KCNAB2: variants seen among roughly 807,000 people sequenced by gnomAD.
The protein encoded by KCNAB2 is voltage-gated potassium channel subunit beta-2.
Under a neutral mutation model 63.6 loss-of-function variants are expected in KCNAB2, and 29 were observed. The observed-to-expected ratio is 0.46, with a 90% CI of 0.34 to 0.62. The LOEUF (loss-of-function observed/expected upper bound fraction) is 0.62, where lower values mean the gene tolerates loss of function less well. KCNAB2 is among the 20% of genes least tolerant of loss of function. KCNAB2 has a pLI of 0.01. For synonymous variants in KCNAB2, 222 were observed against 224.2 expected, an observed-to-expected ratio of 0.99 and a Z score of 0.09; for missense variants, 359 against 563.9, an observed-to-expected ratio of 0.64 and a Z score of 3.68.
In KCNAB2 at chr1:6,087,564, C is replaced by G. The variant is rs572906809; in HGVS notation, c.470+53C>G. ...AGCCCCGGCCCAGCAGCCACGGCCCCGTGCTCCCCAGAGACCCCTGACCTA... is the reference window on the plus strand; with the variant it reads ...AGCCCCGGCCCAGCAGCCACGGCCCGGTGCTCCCCAGAGACCCCTGACCTA... On this transcript the variant is annotated intron_variant, in intron 7 of 15. Transcript: ENST00000378083. This position sits in a 1 kb window ranked among gnomAD's most constrained non-coding sequence, Gnocchi z 6.4. 5.0e-6 allele frequency: 8 copies of G among 1,591,484 alleles called. No individual in the cohort carries two copies. The highest frequency in any genetic ancestry group is 1.7e-4 in the Middle Eastern group (1 of 6,012).
At chr1:6,027,356 G>C (rs145592220) in intron 1 of KCNAB2, 3 of 152,418 alleles carry the variant, frequency 2.0e-5, no homozygotes, top group African/African-American at 7.2e-5. Context: ...GCCTCTGCAG[G>C]GGACAGGCCC....
intron 2 of KCNAB2, among the ~76,000 whole-genome samples, chr1:6,055,386 C>T (rs938239372): frequency 3.3e-5 from 4 of 122,840 alleles, no homozygotes; most frequent in African/African-American, 9.4e-5. Context: ...GTTGGAGTTT[C>T]GCTGTATCGC....
chr1:6,061,222 C>G (rs1231767837), intron 2 of KCNAB2, among the ~76,000 whole-genome samples: 5 of 152,246 alleles, frequency 3.3e-5, no homozygotes, highest in Admixed American at 3.3e-4. Flanking sequence ...TTCATCTTAT[C>G]AACAGCAGGT....
chr1:6,073,847 C>A lies in KCNAB2; in HGVS notation c.300+77C>A. 2 of 1,450,448 alleles carry A rather than the reference C, an allele frequency of 1.4e-6. No homozygotes were observed. The highest frequency in any genetic ancestry group is 1.9e-6 in the Non-Finnish European group (2 of 1,033,240). The allele number at this position is 1,450,448 out of a possible 1,614,324, so 89.8% of individuals were successfully genotyped here. On this transcript the variant is annotated intron_variant, in intron 4 of 15. Transcript: ENST00000378083. This position sits in a 1 kb window ranked among gnomAD's most constrained non-coding sequence, Gnocchi z 5.7. ...CACATGGTTAAGTCTGCCGCGTGGA[C>A]CAGTGAGCACGTGCTCCCGGGAGCC... is the stretch of plus-strand genomic sequence containing the variant.
chr1:6,024,098 T>G lies in KCNAB2; in HGVS notation c.-52-16419T>G, dbSNP rs1211567939. ...CTGGGATTACAGGCGCCCACCACCA[T>G]GTCCAGCTAATTTTTGTATTTTTAG... is the stretch of plus-strand genomic sequence containing the variant. On this transcript the variant is annotated intron_variant, in intron 1 of 16. Coordinates refer to the KCNAB2 transcript ENST00000341524. This position sits in a 1 kb window ranked among gnomAD's most constrained non-coding sequence, Gnocchi z 5.4. Among the ~76,000 whole-genome samples the G allele has an allele frequency of 6.6e-6, 1 of 152,072 alleles. No individual in the cohort carries two copies. Among genetic ancestry groups the G allele is most frequent in the Non-Finnish European group, 1.5e-5 (1 of 68,010 alleles).
At chr1:6,036,237 T>G (rs1660028331) in intron 1 of KCNAB2, among the ~76,000 whole-genome samples, 1 of 152,190 alleles carries the variant, frequency 6.6e-6, no homozygotes, top group South Asian at 2.1e-4. Context: ...GTGAGGTGGC[T>G]CACATCTGTA....
At chr1:6,095,715 G>T in intron 13 of KCNAB2, 91 bp downstream of exon 13, 1 of 1,227,052 alleles carries the variant, frequency 8.1e-7, no homozygotes. Context: ...GTGCTGGGCA[G>T]GGGTTCCGGG....
chr1:6,002,712 A>G (rs1657325318), intron 1 of KCNAB2, among the ~76,000 whole-genome samples: 1 of 152,132 alleles, frequency 6.6e-6, no homozygotes. Context: ...CCTTGAGTGG[A>G]TTTCCAGGGG....
At chr1:6,077,824 G>C (rs1196260878) in intron 4 of KCNAB2, among the ~76,000 whole-genome samples, 1 of 152,208 alleles carries the variant, frequency 6.6e-6, no homozygotes, top group African/African-American at 2.4e-5. Context: ...TCTTTCTAGA[G>C]AGGGCGACAG....
At chr1:6,066,911 C>T (rs1662803092) in intron 2 of KCNAB2, among the ~76,000 whole-genome samples, 1 of 152,266 alleles carries the variant, frequency 6.6e-6, no homozygotes. Flanking sequence ...TCCACCCGGG[C>T]TCAGCCCCCA....
chr1:6,015,799 G>A (rs928727086), intron 1 of KCNAB2, among the ~76,000 whole-genome samples: 3 of 152,156 alleles, frequency 2.0e-5, no homozygotes, highest in African/African-American at 7.2e-5. Flanking sequence ...CCACCTCCCC[G>A]GGCTCAAGTG....
chr1:6,024,130 C>T lies in KCNAB2; in HGVS notation c.-52-16387C>T, dbSNP rs919839419. Among the ~76,000 whole-genome samples, 27 of 152,196 alleles carry T rather than the reference C, an allele frequency of 1.8e-4. No homozygotes were observed. The highest frequency in any genetic ancestry group is 4.1e-4 in the African/African-American group (17 of 41,512). On this transcript the variant is annotated intron_variant, in intron 1 of 16. Transcript: ENST00000341524. The surrounding 1 kb of genome is among the most constrained non-coding windows in gnomAD (Gnocchi z 5.4). ...CTAATTTTTGTATTTTTAGTAGAGA[C>T]GGGGTTTCACCATGTTGGTCAGGCT...
chr1:6,052,590 TGC>T (rs765627415), intron 2 of KCNAB2, among the ~76,000 whole-genome samples: 2 of 152,288 alleles, frequency 1.3e-5, no homozygotes, highest in Non-Finnish European at 2.9e-5. Flanking sequence ...TTCTTTTTAG[TGC>T]GCTTGTCTTT....
Position 6,096,324 on chromosome 1 carries a change from G to A in KCNAB2, c.949-312G>A. 1 of 440,474 alleles carries A rather than the reference G, an allele frequency of 2.3e-6. No homozygotes were observed. The highest frequency in any genetic ancestry group is 4.2e-6 in the Non-Finnish European group (1 of 235,404). 27.3% of individuals were successfully genotyped at this position (440,474 alleles called of 1,614,324 possible). ...CGGGTGGCAGCCGAGACCCCAGGCTGCCAAGTTTCCTAAGAGAAGGAAGGC... is the reference window on the plus strand; with the variant it reads ...CGGGTGGCAGCCGAGACCCCAGGCTACCAAGTTTCCTAAGAGAAGGAAGGC... On this transcript the variant is annotated intron_variant, in intron 13 of 15. Transcript: ENST00000378083. This position sits in a 1 kb window ranked among gnomAD's most constrained non-coding sequence, Gnocchi z 5.9.
chr1:6,097,511 T>C, intron 15 of KCNAB2, 154 bp downstream of exon 15: 6 of 1,352,992 alleles, frequency 4.4e-6, no homozygotes, highest in Non-Finnish European at 6.1e-6. Flanking sequence ...AGAGCTTGCT[T>C]TCCAGCAGGA....
chr1:6,085,089 C>A, intron 5 of KCNAB2, 115 bp from the exon 6 acceptor site: 1 of 1,080,576 alleles, frequency 9.3e-7, no homozygotes. Flanking sequence ...AACAGCCTGG[C>A]TCTCTGGCCC....
rs116171448 is a variant in KCNAB2 at position 5,996,568 on chromosome 1, C to T, written c.-53+3780C>T. Among the ~76,000 whole-genome samples the T allele has an allele frequency of 5.6e-3, 856 of 152,368 alleles. 2 individuals carry two copies. The highest frequency in any genetic ancestry group is 0.019 in the African/African-American group (798 of 41,578). Reference sequence around the variant, plus strand: ...CAGAGCAACCCCATGCCCACCCTGCCGGCTTCCCCGGCACCTGTCTCCTTG... The same window carrying T: ...CAGAGCAACCCCATGCCCACCCTGCTGGCTTCCCCGGCACCTGTCTCCTTG... On this transcript the variant is annotated intron_variant, in intron 1 of 16. Coordinates refer to the KCNAB2 transcript ENST00000341524.
rs967548092 is a variant in KCNAB2 at position 6,098,000 on chromosome 1, G to A, written c.1159-485G>A. ...GGTGGGAAGTGGCAGCTGCGGGTCC[G>A]AGACGGGAGTGGTGGTTGGATCCTG... On this transcript the variant is annotated intron_variant, in intron 15 of 15. Coordinates refer to ENST00000378083, the MANE Select transcript of KCNAB2 (RefSeq NM_001199862.2). 4.6e-5 allele frequency: 9 copies of A among 196,218 alleles called. No individual in the cohort carries two copies. In the South Asian group the frequency reaches 4.8e-4, roughly 10 times the overall value. 12.2% of individuals were successfully genotyped at this position (196,218 alleles called of 1,614,324 possible). A position where few individuals can be genotyped will look rare whatever the true frequency, so the allele number is the denominator to read the frequency against.
chr1:6,054,080 A>G (rs373389635), intron 2 of KCNAB2, among the ~76,000 whole-genome samples: 5 of 151,970 alleles, frequency 3.3e-5, no homozygotes, highest in African/African-American at 1.2e-4. Flanking sequence ...AGAATGTGAC[A>G]TTATTTGGAA....
Sources: gnomAD v4.1 joint callset for allele counts (sites outside exome capture counted in the v4.1 genomes callset) on GRCh38, gnomAD v4.1.1 for gene constraint, Gnocchi (gnomAD v3.1) non-coding constraint, MANE v1.5 for transcripts, NCBI Gene and HGNC (gene_info 2026-07-23, HGNC 2026-07-21) for gene names.